CBLB: variants seen among roughly 807,000 people sequenced by gnomAD.
The protein encoded by CBLB is Cbl proto-oncogene B.
In CBLB, 31 loss-of-function variants were observed where a neutral mutation model predicts 104.9. The observed-to-expected ratio is 0.30, with a 90% CI of 0.22 to 0.40. The LOEUF (loss-of-function observed/expected upper bound fraction) is 0.40, where lower values mean the gene tolerates loss of function less well. CBLB is among the 10% of genes least tolerant of loss of function. CBLB has a pLI of 1.00. For synonymous variants in CBLB, 440 were observed against 422.6 expected (o/e 1.04, Z -0.51); for missense variants, 1,062 against 1,214.6 (o/e 0.87, Z 1.87).
intron 3 of CBLB, among the ~76,000 whole-genome samples, chr3:105,807,878 G>A (rs2083725857): frequency 2.0e-5 from 3 of 152,274 alleles, no homozygotes; most frequent in South Asian, 4.1e-4. Context: ...GGACTTGCAT[G>A]ATACAACTAG....
chr3:105,659,105 T>G lies in CBLB; in HGVS notation c.2814A>C (p.Lys938Asn). The G allele has an allele frequency of 6.2e-7, 1 of 1,613,960 alleles. No individual in the cohort carries two copies. The highest frequency in any genetic ancestry group is 8.5e-7 in the Non-Finnish European group (1 of 1,179,936). ...CAAAGGCATAACCCTCTCCCATGAG[T>G]TTTGCAATTTTTGCATCGACATTTT... Reference protein sequence around the residue: ...ALENVDAKIAKLMGEGYAFEE... With the variant: ...ALENVDAKIANLMGEGYAFEE... Residue 938 changes from lysine (K) to asparagine (N), a missense_variant, in exon 19 of 19, where the codon AAA (lysine) becomes AAC (asparagine). By Grantham distance (94) the Lys-to-Asn change is moderately conservative. Around this residue, in one of 2 missense-constraint regions of CBLB, gnomAD observed 605 missense variants for 582.6 expected, o/e 1.04. Transcript: ENST00000394030.
At chr3:105,808,821 G>A (rs2083868257) in intron 3 of CBLB, among the ~76,000 whole-genome samples, 1 of 152,156 alleles carries the variant, frequency 6.6e-6, no homozygotes, top group Admixed American at 6.6e-5. Flanking sequence ...ATGCTTTCCT[G>A]TAACAGTTTT....
intron 3 of CBLB, among the ~76,000 whole-genome samples, chr3:105,843,869 A>C (rs2089889217): frequency 6.6e-6 from 1 of 152,144 alleles, no homozygotes; most frequent in African/African-American, 2.4e-5. Flanking sequence ...TCCCCTCCTT[A>C]GTATAAATGT....
chr3:105,713,958 G>A (rs2071475839), intron 10 of CBLB, among the ~76,000 whole-genome samples: 1 of 152,126 alleles, frequency 6.6e-6, no homozygotes, highest in Non-Finnish European at 1.5e-5. Flanking sequence ...AAAAACAAAA[G>A]TGTCCCCATA....
At chr3:105,815,600 G>C (rs1030949486) in intron 3 of CBLB, among the ~76,000 whole-genome samples, 1 of 152,204 alleles carries the variant, frequency 6.6e-6, no homozygotes, top group Non-Finnish European at 1.5e-5. Flanking sequence ...CTGTTGGTGG[G>C]AGTGTGAATT....
chr3:105,801,510 A>G (rs190401770), intron 3 of CBLB, among the ~76,000 whole-genome samples: 1 of 152,376 alleles, frequency 6.6e-6, no homozygotes, highest in Non-Finnish European at 1.5e-5. Flanking sequence ...ATTAACCATT[A>G]AGACAGGTCT....
At chr3:105,740,682 T>C (rs2075431976) in intron 6 of CBLB, 51 bp from the exon 7 acceptor site, 9 of 1,478,854 alleles carry the variant, frequency 6.1e-6, no homozygotes, top group Non-Finnish European at 8.5e-6. Flanking sequence ...TATAAATCAA[T>C]ACTAAACAAT....
chr3:105,806,150 A>G (rs1265941521), intron 3 of CBLB, among the ~76,000 whole-genome samples: 1 of 152,162 alleles, frequency 6.6e-6, no homozygotes, highest in Non-Finnish European at 1.5e-5. Context: ...TTAAAATGAC[A>G]TTTTGCTCAA....
At chr3:105,827,556 C>T (rs1487823796) in intron 3 of CBLB, among the ~76,000 whole-genome samples, 1 of 152,110 alleles carries the variant, frequency 6.6e-6, no homozygotes, top group Non-Finnish European at 1.5e-5. Context: ...TCCTTAAACT[C>T]CCATGGACTG....
chr3:105,811,343 G>C (rs1377780552), intron 3 of CBLB, among the ~76,000 whole-genome samples: 1 of 152,196 alleles, frequency 6.6e-6, no homozygotes, highest in Non-Finnish European at 1.5e-5. Context: ...TTTTATGACA[G>C]AATTCATGGC....
chr3:105,863,422 G>A (rs2092246783), intron 2 of CBLB, among the ~76,000 whole-genome samples: 1 of 152,174 alleles, frequency 6.6e-6, no homozygotes, highest in African/African-American at 2.4e-5. Context: ...ACGTCAAGAA[G>A]TATAATTCAA....
At chr3:105,782,718 G>A (rs1314156023) in intron 3 of CBLB, among the ~76,000 whole-genome samples, 2 of 151,572 alleles carry the variant, frequency 1.3e-5, no homozygotes, top group Non-Finnish European at 2.9e-5. Flanking sequence ...TCCAGAGGGT[G>A]TATGCCACCA....
chr3:105,834,965 C>T (rs115747626), intron 3 of CBLB, among the ~76,000 whole-genome samples: 61 of 152,304 alleles, frequency 4.0e-4, no homozygotes, highest in African/African-American at 1.4e-3. Context: ...GTTATCACAA[C>T]GCTGACAAGG....
intron 3 of CBLB, among the ~76,000 whole-genome samples, chr3:105,801,369 T>A (rs2153017561): frequency 1.3e-5 from 2 of 152,336 alleles, no homozygotes; most frequent in South Asian, 4.1e-4. Context: ...AGCATATTTT[T>A]AATATTTTAA....
intron 4 of CBLB, among the ~76,000 whole-genome samples, chr3:105,756,419 A>G (rs998150764): frequency 2.0e-5 from 3 of 152,218 alleles, no homozygotes; most frequent in South Asian, 4.1e-4. Flanking sequence ...AGCTAACAAT[A>G]GATGAGCAAG....
At chr3:105,851,039 A>T (rs1295842660) in intron 3 of CBLB, among the ~76,000 whole-genome samples, 1 of 152,180 alleles carries the variant, frequency 6.6e-6, no homozygotes, top group African/African-American at 2.4e-5. Flanking sequence ...ATTTTACCCA[A>T]ATGAGTTAAA....
rs542523691 is a variant in CBLB, at chr3:105,757,953, C to A, written c.567-6335G>T. Among the ~76,000 whole-genome samples, 3 of 152,294 alleles carry A rather than the reference C, an allele frequency of 2.0e-5. No homozygotes were observed. In the East Asian group the frequency reaches 5.8e-4, roughly 29 times the overall value. On this transcript the variant is annotated intron_variant, in intron 4 of 18. Transcript: ENST00000394030. ...TATGTTCAATGTCAGTATCTTTAAA[C>A]AGAGGGCAAGCTTTGTTCAGAAGAT...
chr3:105,677,200 G>T (rs993484491), intron 17 of CBLB, among the ~76,000 whole-genome samples: 1 of 152,042 alleles, frequency 6.6e-6, no homozygotes, highest in Non-Finnish European at 1.5e-5. Context: ...ACAGTGAATG[G>T]CTCAATCAAT....
chr3:105,751,117 G>T (rs1219011131), intron 5 of CBLB, among the ~76,000 whole-genome samples: 1 of 152,160 alleles, frequency 6.6e-6, no homozygotes, highest in Non-Finnish European at 1.5e-5. Flanking sequence ...ACCTCCAGTT[G>T]TTGCATTCTA....
Sources: gnomAD v4.1 joint callset for allele counts (sites outside exome capture counted in the v4.1 genomes callset) on GRCh38, gnomAD v4.1.1 for gene constraint, gnomAD v4.1.1 regional missense constraint, MANE v1.5 for transcripts, NCBI Gene and HGNC (gene_info 2026-07-23, HGNC 2026-07-21) for gene names.